The following CYTH3 variants were observed in gnomAD, a reference collection of about 807,000 sequenced individuals.
CYTH3 encodes cytohesin 3, also known as cytohesin-3.
CYTH3 carries 23 observed loss-of-function variants against 55.1 expected under a neutral mutation model. The ratio of observed to expected loss-of-function variants is 0.42; its 90% confidence interval spans 0.30 to 0.59. The LOEUF is 0.59. CYTH3 is among the 20% of genes least tolerant of loss of function. The pLI is 0.20. For missense variants in CYTH3, 413 were observed against 524.8 expected, an observed-to-expected ratio of 0.79 and a Z score of 2.08; for synonymous variants, 249 against 194.9, an observed-to-expected ratio of 1.28 and a Z score of -2.31.
intron 1 of CYTH3, among the ~76,000 whole-genome samples, chr7:6,216,624 C>T (rs1784433154): frequency 6.6e-6 from 1 of 151,682 alleles, no homozygotes; most frequent in Non-Finnish European, 1.5e-5. Flanking sequence ...ACCTATGGTC[C>T]CAGCTACACA....
intron 11 of CYTH3, 26 bp from the exon 12 acceptor site, chr7:6,165,453 C>A: frequency 1.2e-6 from 2 of 1,608,302 alleles, no homozygotes; most frequent in South Asian, 1.1e-5. Flanking sequence ...AGAGGGGAGG[C>A]GGTCAGGGGG....
intron 1 of CYTH3, among the ~76,000 whole-genome samples, chr7:6,271,292 C>T (rs1256884737): frequency 6.6e-6 from 1 of 152,192 alleles, no homozygotes; most frequent in Non-Finnish European, 1.5e-5. Context: ...AAAACATCTC[C>T]CTCTGAGCAG....
intron 1 of CYTH3, among the ~76,000 whole-genome samples, chr7:6,257,663 A>G (rs1036690917): frequency 6.6e-6 from 1 of 152,264 alleles, no homozygotes; most frequent in Non-Finnish European, 1.5e-5. Context: ...TTTATGGCAG[A>G]GAAAAGGTGT....
chr7:6,242,650 C>T (rs562105149), intron 1 of CYTH3, among the ~76,000 whole-genome samples: 167 of 152,298 alleles, frequency 1.1e-3, no homozygotes, highest in Admixed American at 3.3e-3. Flanking sequence ...GCTGGGATTA[C>T]AGGCGTGAAG....
chr7:6,220,188 C>G (rs943455133), intron 1 of CYTH3, among the ~76,000 whole-genome samples: 6 of 152,092 alleles, frequency 3.9e-5, no homozygotes, highest in Non-Finnish European at 5.9e-5. Context: ...TGAGCCACCG[C>G]GCCTGGCCTA....
chr7:6,227,345 T>G (rs889775215), intron 1 of CYTH3, among the ~76,000 whole-genome samples: 9 of 151,226 alleles, frequency 6.0e-5, no homozygotes, highest in African/African-American at 1.7e-4. Context: ...TAAGTGCAAA[T>G]GGTTTAAAAA....
At position 6,259,808 on chromosome 7, in the gene CYTH3, TATATA is replaced by T. The variant is rs1562418007; in HGVS notation, c.34+12661_34+12665del. 9.9e-5 allele frequency among the ~76,000 whole-genome samples: 3 copies of T among 30,254 alleles called. 1 individual carries two copies. The highest frequency in any genetic ancestry group is 2.5e-3 in the East Asian group (2 of 800). The allele number at this position is 30,254 out of a possible 152,430, so 19.8% of individuals were successfully genotyped here. A position where few individuals can be genotyped will look rare whatever the true frequency, so the allele number is the denominator to read the frequency against. On this transcript the variant is annotated intron_variant, in intron 1 of 12. Coordinates refer to ENST00000350796, the MANE Select transcript of CYTH3 (RefSeq NM_004227.4). ...TAATATATATATATATATATATATA[TATATA>T]ATATATATATATATATATATTTTTT... is the stretch of plus-strand genomic sequence containing the variant.
At chr7:6,269,609 G>A (rs1780598253) in intron 1 of CYTH3, among the ~76,000 whole-genome samples, 1 of 151,676 alleles carries the variant, frequency 6.6e-6, no homozygotes, top group Non-Finnish European at 1.5e-5. Flanking sequence ...AACTGTTCTC[G>A]AAAAACTGAA....
In CYTH3 at chr7:6,196,591, C is replaced by A. The variant is rs577334383; in HGVS notation, c.35-6060G>T. On this transcript the variant is annotated intron_variant, in intron 1 of 12. Coordinates refer to ENST00000350796, the MANE Select transcript of CYTH3 (RefSeq NM_004227.4). ...TCTCCTGCCCCAGCCTCACAAGTAG[C>A]TGGGATTATAGGCACGCACCACCAT... 1.9e-4 allele frequency among the ~76,000 whole-genome samples: 29 copies of A among 151,498 alleles called. 2 individuals carry two copies. The highest frequency in any genetic ancestry group is 3.4e-3 in the Middle Eastern group (1 of 290).
rs746079448 is a variant in CYTH3, at chr7:6,245,280, TACA to T, written c.34+27191_34+27193del. Among the ~76,000 whole-genome samples, 9 of 152,118 alleles carry T rather than the reference TACA, an allele frequency of 5.9e-5. No individual in the cohort carries two copies. In the East Asian group the frequency reaches 7.7e-4, roughly 13 times the overall value. ...TTTGTAGTTTTAGCTTTTCAAAATG[TACA>T]ACTAGTGACTTCTTTTTCATTCTAA... On this transcript the variant is annotated intron_variant, in intron 1 of 12. Transcript: ENST00000350796.
At chr7:6,218,152 G>C (rs1002103550) in intron 1 of CYTH3, among the ~76,000 whole-genome samples, 1 of 152,164 alleles carries the variant, frequency 6.6e-6, no homozygotes, top group Admixed American at 6.5e-5. Flanking sequence ...ACTCCAGCCT[G>C]GGCAACAGAG....
In CYTH3 at chr7:6,170,562, C is replaced by T. The variant is rs1181253011; in HGVS notation, c.796G>A (p.Asp266Asn). ...AGCTTCAGGAGCCAGCCCTCGCGGT[C>T]GGGGTTGAAGAAGGTGTGGGTCAGG... ...NDLTHTFFNP[D>N]REGWLLKLGG... Residue 266 changes from aspartate to asparagine, a missense_variant, in exon 9 of 13, where the codon GAC becomes AAC. Coordinates refer to ENST00000350796, the MANE Select transcript of CYTH3 (RefSeq NM_004227.4). This position sits in a 1 kb window ranked among gnomAD's most constrained non-coding sequence, Gnocchi z 7.8. 4 of 1,613,976 alleles carry T rather than the reference C, an allele frequency of 2.5e-6. No individual in the cohort carries two copies. The highest frequency in any genetic ancestry group is 8.5e-7 in the Non-Finnish European group (1 of 1,179,882).
intron 1 of CYTH3, among the ~76,000 whole-genome samples, chr7:6,220,187 G>A (rs909172841): frequency 1.4e-4 from 22 of 152,096 alleles, no homozygotes; most frequent in South Asian, 4.1e-4. Flanking sequence ...GTGAGCCACC[G>A]CGCCTGGCCT....
chr7:6,272,415 CCA>C, intron 1 of CYTH3, 57 bp downstream of exon 1: 1 of 499,090 alleles, frequency 2.0e-6, no homozygotes, highest in Non-Finnish European at 3.4e-6. Context: ...CCCTCGACCC[CCA>C]GCCCCCGGCC....
intron 5 of CYTH3, among the ~76,000 whole-genome samples, chr7:6,174,539 G>GTTTTTT (rs760279977): frequency 5.6e-5 from 5 of 89,802 alleles, no homozygotes; most frequent in African/African-American, 1.0e-4. Context: ...CTCCTTGTGG[G>GTTTTTT]TTTTTTTTTT....
At chr7:6,166,789 G>A (rs1179324439) in intron 9 of CYTH3, among the ~76,000 whole-genome samples, 1 of 152,140 alleles carries the variant, frequency 6.6e-6, no homozygotes, top group Non-Finnish European at 1.5e-5. Flanking sequence ...CTCACTCAGT[G>A]CTGCCGTCCT....
chr7:6,247,625 C>T lies in CYTH3; in HGVS notation c.34+24849G>A, dbSNP rs183680799. On this transcript the variant is annotated intron_variant, in intron 1 of 12. Coordinates refer to ENST00000350796, the MANE Select transcript of CYTH3 (RefSeq NM_004227.4). ...CTTTTACTGTCATTACAGTTTCTTT[C>T]AGCTCTTTCATTTCACTTTATAATT... Among the ~76,000 whole-genome samples the T allele has an allele frequency of 1.5e-3, 222 of 152,118 alleles. 2 individuals carry two copies. Among genetic ancestry groups the T allele is most frequent in the South Asian group, 8.1e-3 (39 of 4,804 alleles).
In CYTH3 at chr7:6,255,758, G is replaced by GCTT. The variant is rs1780084704; in HGVS notation, c.34+16715_34+16716insAAG. ...ACTACCCAAGTTTGACCTTTAATCT[G>GCTT]TTTTTTTTTTTTTTTTTTTTTTTGA... On this transcript the variant is annotated intron_variant, in intron 1 of 12. Transcript: ENST00000350796. 1.2e-3 allele frequency among the ~76,000 whole-genome samples: 108 copies of GCTT among 89,418 alleles called. 1 individual carries two copies. The highest frequency in any genetic ancestry group is 5.0e-3 in the African/African-American group (102 of 20,398). 58.7% of individuals were successfully genotyped at this position (89,418 alleles called of 152,430 possible).
rs576292996 is a variant in CYTH3, at chr7:6,168,482, G to A, written c.823+2053C>T. On this transcript the variant is annotated intron_variant, in intron 9 of 12. Transcript: ENST00000350796. The stretch of plus-strand genomic sequence containing the variant: ...CTGCCTCCAGCCAGGGCCCTGGCTC[G>A]CCAGCCTTTGGTCTCGAACTTTGTT... Among the ~76,000 whole-genome samples, 40 of 152,168 alleles carry A rather than the reference G, an allele frequency of 2.6e-4. No homozygotes were observed. In the East Asian group the frequency reaches 6.6e-3, roughly 25 times the overall value.
Sources: allele counts gnomAD v4.1 joint callset (sites outside exome capture counted in the v4.1 genomes callset), GRCh38; gene constraint gnomAD v4.1.1; non-coding constraint Gnocchi (gnomAD v3.1); transcripts MANE v1.5; gene names NCBI Gene and HGNC (gene_info 2026-07-23, HGNC 2026-07-21).